Variants in CPAP observed in about 807,000 individuals in gnomAD.
The protein encoded by CPAP is centrosomal P4.1-associated protein.
At chr13:24,917,416 A>G in the CPAP span, among the ~76,000 whole-genome samples, 1 of 152,180 alleles carries the variant, frequency 6.6e-6, no homozygotes, top group African/African-American at 2.4e-5. Flanking sequence ...TAAGTACAAA[A>G]TATTTTTCTC....
the CPAP span, among the ~76,000 whole-genome samples, chr13:24,922,445 C>T: frequency 1.3e-5 from 2 of 152,120 alleles, no homozygotes; most frequent in Admixed American, 6.5e-5. Context: ...CACCACCCTG[C>T]TCCAGCGGAC....
the CPAP span, chr13:24,912,107 T>C: frequency 3.8e-6 from 6 of 1,583,052 alleles, no homozygotes; most frequent in South Asian, 1.1e-5. Flanking sequence ...AAATCAACTT[T>C]ACAATTCTTC....
At chr13:24,885,451 T>C in the CPAP span, 489 of 1,238,410 alleles carry the variant, frequency 3.9e-4, 5 homozygotes, top group East Asian at 9.5e-3. Flanking sequence ...GATTCTGATA[T>C]AGGGTTCTAG....
At chr13:24,930,101 G>A in the CPAP span, among the ~76,000 whole-genome samples, 2 of 151,474 alleles carry the variant, frequency 1.3e-5, no homozygotes, top group Admixed American at 1.3e-4. Context: ...TTGTAAAGAT[G>A]GGGTCTCGCT....
the CPAP span, chr13:24,883,995 A>G: frequency 6.2e-7 from 1 of 1,614,162 alleles, no homozygotes; most frequent in Non-Finnish European, 8.5e-7. Context: ...CATCTGGGAA[A>G]ATGCTTTCTT....
At chr13:24,933,101 A>G in the CPAP span, 2 of 1,586,486 alleles carry the variant, frequency 1.3e-6, no homozygotes, top group South Asian at 1.1e-5. Context: ...ATTAAGGAAA[A>G]TGGCGGAAAG....
chr13:24,910,088 T>C, the CPAP span: 1 of 1,611,076 alleles, frequency 6.2e-7, no homozygotes. Flanking sequence ...AACTCAAACC[T>C]TACAATTAAG....
the CPAP span, among the ~76,000 whole-genome samples, chr13:24,919,906 G>A: frequency 2.0e-5 from 3 of 152,018 alleles, no homozygotes; most frequent in Admixed American, 1.3e-4. Flanking sequence ...TGGGCCTACA[G>A]GTATGTGTCA....
the CPAP span, among the ~76,000 whole-genome samples, chr13:24,888,225 T>C: frequency 1.9e-4 from 29 of 152,100 alleles, no homozygotes; most frequent in Non-Finnish European, 3.2e-4. Context: ...TTTAAAAGAC[T>C]AGTAAATTCA....
At chr13:24,909,713 A>G in the CPAP span, 47 of 1,365,418 alleles carry the variant, frequency 3.4e-5, no homozygotes, top group Non-Finnish European at 4.7e-5. Flanking sequence ...TTTTTAAAGA[A>G]AAAACATGGA....
At chr13:24,933,690 T>A in the CPAP span, among the ~76,000 whole-genome samples, 1 of 152,170 alleles carries the variant, frequency 6.6e-6, no homozygotes, top group Non-Finnish European at 1.5e-5. Context: ...ATTTCACAAC[T>A]GGATGAAATC....
At chr13:24,931,950 C>A in the CPAP span, among the ~76,000 whole-genome samples, 3 of 152,232 alleles carry the variant, frequency 2.0e-5, no homozygotes, top group African/African-American at 4.8e-5. Context: ...AAGCCCTGAA[C>A]CCCCTCAGGC....
chr13:24,920,954 A>C, the CPAP span, among the ~76,000 whole-genome samples: 2 of 152,090 alleles, frequency 1.3e-5, no homozygotes, highest in Non-Finnish European at 2.9e-5. Flanking sequence ...GAAGCTGAAG[A>C]ACAGGCAAAA....
chr13:24,907,933 T>C, the CPAP span: 1 of 1,018,098 alleles, frequency 9.8e-7, no homozygotes, highest in Non-Finnish European at 1.5e-6. Context: ...AAAATATAGA[T>C]CTTTCAAACA....
chr13:24,888,031 ACC>A, the CPAP span, among the ~76,000 whole-genome samples: 1 of 152,178 alleles, frequency 6.6e-6, no homozygotes, highest in African/African-American at 2.4e-5. Context: ...GGTGGTGGTA[ACC>A]CGAGTATTTG....
At chr13:24,933,787 C>A in the CPAP span, among the ~76,000 whole-genome samples, 4 of 151,604 alleles carry the variant, frequency 2.6e-5, no homozygotes, top group African/African-American at 4.9e-5. Flanking sequence ...TGCAGTGGTG[C>A]GATCTCAGCT....
At chr13:24,888,104 A>T in the CPAP span, among the ~76,000 whole-genome samples, 5 of 152,228 alleles carry the variant, frequency 3.3e-5, no homozygotes, top group African/African-American at 4.8e-5. Flanking sequence ...ATAATTTTTT[A>T]AAATTCCAGA....
At chr13:24,884,487 C>T in the CPAP span, 1 of 1,613,298 alleles carries the variant, frequency 6.2e-7, no homozygotes, top group Non-Finnish European at 8.5e-7. Context: ...ACAAGATTAT[C>T]ACCTAAGATT....
At chr13:24,910,389 A>G in the CPAP span, among the ~76,000 whole-genome samples, 1 of 152,142 alleles carries the variant, frequency 6.6e-6, no homozygotes, top group Non-Finnish European at 1.5e-5. Context: ...ACGCCCAGCT[A>G]ATTTTTTATA....
Sources: gnomAD v4.1 joint callset for allele counts (sites outside exome capture counted in the v4.1 genomes callset) on GRCh38, gnomAD v4.1.1 for gene constraint, MANE v1.5 for transcripts, NCBI Gene and HGNC (gene_info 2026-07-23, HGNC 2026-07-21) for gene names.